RAD51B: variants seen among roughly 807,000 people sequenced by gnomAD.
RAD51B encodes the protein DNA repair protein RAD51 homolog 2.
RAD51B carries 38 observed loss-of-function variants against 42.2 expected under a neutral mutation model. The ratio of observed to expected loss-of-function variants is 0.90; its 90% CI spans 0.70 to 1.18. The LOEUF (loss-of-function observed/expected upper bound fraction) is 1.18. Ranked by LOEUF, RAD51B falls within the 50% of genes most tolerant of loss-of-function variation. RAD51B has a pLI of 0.00. For missense variants in RAD51B, 373 were observed against 400.7 expected, an observed-to-expected ratio of 0.93 and a Z score of 0.59; for synonymous variants, 154 against 145.2, an observed-to-expected ratio of 1.06 and a Z score of -0.43.
rs181371717 is a variant in RAD51B at position 68,659,593 on chromosome 14, C to T, written c.*11+8737C>T. Among the ~76,000 whole-genome samples the T allele has an allele frequency of 3.6e-4, 55 of 152,292 alleles. No individual in the cohort carries two copies. In the East Asian group the frequency reaches 0.011, roughly 29 times the overall value. On this transcript the variant is annotated intron_variant, in intron 11 of 11. Coordinates refer to the RAD51B transcript ENST00000488612. Reference sequence around the variant, plus strand: ...CCGACTGCCCTGAGAGCCTGGGCAACCTCAGGACACTGCACCGGGGCAAGC... The same window carrying T: ...CCGACTGCCCTGAGAGCCTGGGCAATCTCAGGACACTGCACCGGGGCAAGC...
At chr14:68,231,734 T>A (rs1393169827) in intron 7 of RAD51B, among the ~76,000 whole-genome samples, 1 of 152,216 alleles carries the variant, frequency 6.6e-6, no homozygotes, top group Non-Finnish European at 1.5e-5. Context: ...GGATCTTTTC[T>A]AGTAGAGAAG....
chr14:68,408,703 C>T (rs935425159), intron 8 of RAD51B, among the ~76,000 whole-genome samples: 6 of 152,048 alleles, frequency 3.9e-5, no homozygotes, highest in South Asian at 2.1e-4. Context: ...ATCAAAATTG[C>T]GCTTTAAAGT....
intron 9 of RAD51B, among the ~76,000 whole-genome samples, chr14:68,441,541 C>CAAAAAAAAAAAA (rs67477807): frequency 1.5e-5 from 1 of 68,034 alleles, no homozygotes; most frequent in Non-Finnish European, 2.6e-5. Flanking sequence ...GACTCCATCT[C>CAAAAAAAAAAAA]AAAAAAAAAA....
exon 11 of RAD51B, chr14:68,594,981 T>C (rs1890931097): frequency 1.9e-6 from 2 of 1,077,142 alleles, no homozygotes; most frequent in East Asian, 4.8e-5. Flanking sequence ...CTGTGGCAGC[T>C]TGAATTTCTT....
chr14:68,309,756 A>G (rs1246707735), intron 8 of RAD51B, among the ~76,000 whole-genome samples: 1 of 152,140 alleles, frequency 6.6e-6, no homozygotes, highest in Non-Finnish European at 1.5e-5. Flanking sequence ...ATCCCAACTA[A>G]TGGTAGAGGC....
chr14:68,649,390 C>G (rs945012760), intron 10 of RAD51B, among the ~76,000 whole-genome samples: 4 of 152,210 alleles, frequency 2.6e-5, no homozygotes, highest in Non-Finnish European at 5.9e-5. Context: ...TAAGCATTCT[C>G]TCTCTGAGCC....
chr14:67,911,194 C>T (rs1595096110), intron 7 of RAD51B, among the ~76,000 whole-genome samples: 1 of 152,146 alleles, frequency 6.6e-6, no homozygotes, highest in African/African-American at 2.4e-5. Context: ...GCAGTGTTAT[C>T]TGTGGGTTTC....
intron 11 of RAD51B, among the ~76,000 whole-genome samples, chr14:68,682,035 C>G (rs534783706): frequency 6.6e-6 from 1 of 152,068 alleles, no homozygotes; most frequent in African/African-American, 2.4e-5. Context: ...AAAAACCACT[C>G]GTACCCCCAA....
chr14:68,151,436 G>T (rs1356708373), intron 7 of RAD51B, among the ~76,000 whole-genome samples: 1 of 151,542 alleles, frequency 6.6e-6, no homozygotes, highest in Non-Finnish European at 1.5e-5. Context: ...TTTTTGATAT[G>T]TTTGTTTAGC....
At chr14:68,356,108 GA>G (rs1227655177) in intron 8 of RAD51B, among the ~76,000 whole-genome samples, 1 of 152,144 alleles carries the variant, frequency 6.6e-6, no homozygotes, top group Admixed American at 6.5e-5. Flanking sequence ...GCAATAAAGT[GA>G]AATACATTTT....
intron 7 of RAD51B, among the ~76,000 whole-genome samples, chr14:67,997,642 T>C (rs191556684): frequency 1.3e-5 from 2 of 152,210 alleles, no homozygotes; most frequent in African/African-American, 2.4e-5. Context: ...TTTTACCTGT[T>C]TTTTGATATT....
intron 7 of RAD51B, among the ~76,000 whole-genome samples, chr14:67,890,187 A>G (rs2043175791): frequency 6.6e-6 from 1 of 152,160 alleles, no homozygotes; most frequent in African/African-American, 2.4e-5. Flanking sequence ...TATTATACGT[A>G]TTGTAAATTA....
rs143790569 is a variant in RAD51B, at chr14:68,279,719, C to T, written c.757-12165C>T. Among the ~76,000 whole-genome samples, 471 of 151,908 alleles carry T rather than the reference C, an allele frequency of 3.1e-3. 2 individuals carry two copies. Among genetic ancestry groups the T allele is most frequent in the African/African-American group, 0.011 (446 of 41,436 alleles). ...CTACCATTGTACAGAGCAACCCATCCGAAAAATAAATACAAATATCATTTC... is the reference window on the plus strand; with the variant it reads ...CTACCATTGTACAGAGCAACCCATCTGAAAAATAAATACAAATATCATTTC... On this transcript the variant is annotated intron_variant, in intron 7 of 10. Transcript: ENST00000471583.
At chr14:68,317,267 G>A (rs2082080035) in intron 8 of RAD51B, among the ~76,000 whole-genome samples, 2 of 150,454 alleles carry the variant, frequency 1.3e-5, no homozygotes, top group South Asian at 2.1e-4. Flanking sequence ...GAAGATGAGA[G>A]TCTAAGCTCC....
chr14:67,899,652 G>C (rs910486300), intron 7 of RAD51B, among the ~76,000 whole-genome samples: 1 of 152,118 alleles, frequency 6.6e-6, no homozygotes, highest in Admixed American at 6.5e-5. Context: ...AAAATAAGTA[G>C]TCATTGACAT....
chr14:68,251,200 T>TAAA (rs576162341), intron 7 of RAD51B, among the ~76,000 whole-genome samples: 1 of 146,156 alleles, frequency 6.8e-6, no homozygotes, highest in Non-Finnish European at 1.5e-5. Flanking sequence ...AAGGAGGAAT[T>TAAA]AAAAAAAAAA....
intron 8 of RAD51B, among the ~76,000 whole-genome samples, chr14:68,368,548 C>T (rs1396022882): frequency 6.6e-6 from 1 of 152,204 alleles, no homozygotes; most frequent in Non-Finnish European, 1.5e-5. Flanking sequence ...TTGATTTCAT[C>T]TTCCATTCAA....
intron 7 of RAD51B, among the ~76,000 whole-genome samples, chr14:67,913,711 T>C (rs1028447102): frequency 1.4e-4 from 22 of 152,208 alleles, no homozygotes; most frequent in Non-Finnish European, 2.6e-4. Flanking sequence ...ATGGGATATT[T>C]TGATACAGGC....
chr14:68,647,744 T>C (rs1013843812), intron 10 of RAD51B, among the ~76,000 whole-genome samples: 11 of 152,220 alleles, frequency 7.2e-5, no homozygotes, highest in South Asian at 4.1e-4. Context: ...AATGGTGCAA[T>C]CTTTGCTCAC....
Sources: gnomAD v4.1 joint callset for allele counts (sites outside exome capture counted in the v4.1 genomes callset) on GRCh38, gnomAD v4.1.1 for gene constraint, MANE v1.5 for transcripts, NCBI Gene and HGNC (gene_info 2026-07-23, HGNC 2026-07-21) for gene names.